The following NCK2 variants were observed in gnomAD, a reference collection of about 807,000 sequenced individuals.
NCK2 encodes the protein cytoplasmic protein NCK2.
NCK2 carries 16 observed loss-of-function variants against 33.9 expected under a neutral mutation model. The observed-to-expected ratio is 0.47, with a 90% confidence interval of 0.32 to 0.72. The LOEUF is 0.72. Among genes scored for constraint, NCK2 ranks in the 30% least tolerant of loss-of-function variants. NCK2 has a pLI of 0.03. For synonymous variants in NCK2, 273 were observed against 239.9 expected, an observed-to-expected ratio of 1.14 and a Z score of -1.27; for missense variants, 418 against 537.3, an observed-to-expected ratio of 0.78 and a Z score of 2.19.
At chr2:105,787,701 G>A (rs917364360) in intron 1 of NCK2, among the ~76,000 whole-genome samples, 4 of 152,156 alleles carry the variant, frequency 2.6e-5, no homozygotes, top group African/African-American at 9.7e-5. Flanking sequence ...AGGGTGCACT[G>A]GTGACCACTG....
At chr2:105,841,662 C>A (rs908286496) in intron 2 of NCK2, among the ~76,000 whole-genome samples, 1 of 152,174 alleles carries the variant, frequency 6.6e-6, no homozygotes, top group Admixed American at 6.5e-5. Flanking sequence ...ACCCTCTAAT[C>A]CTGCCTTGGT....
At position 105,882,015 on chromosome 2, in the gene NCK2, A is replaced by T; in HGVS notation, c.914A>T (p.Glu305Val). The T allele has an allele frequency of 6.6e-7, 1 of 1,505,902 alleles. No homozygotes were observed. Among genetic ancestry groups the T allele is most frequent in the Non-Finnish European group, 8.9e-7 (1 of 1,126,722 alleles). 93.3% of individuals were successfully genotyped at this position (1,505,902 alleles called of 1,614,324 possible). Reference protein sequence around the residue: ...AECALNERGVEGDFLIRDSES... With the variant: ...AECALNERGVVGDFLIRDSES... ...TGCGCCCTCAACGAGCGGGGCGTGG[A>T]GGGCGACTTCCTCATTAGGGACAGC... The change falls in exon 4 of 5, where the codon GAG becomes GTG. Residue 305 changes from glutamate (E) to valine (V), a missense_variant. By Grantham distance (121) the Glu-to-Val change is moderately radical. Coordinates refer to ENST00000233154, the MANE Select transcript of NCK2 (RefSeq NM_003581.5).
chr2:105,747,130 T>C (rs1689313350), intron 1 of NCK2, among the ~76,000 whole-genome samples: 1 of 152,242 alleles, frequency 6.6e-6, no homozygotes, highest in Admixed American at 6.5e-5. Flanking sequence ...TCATGCTTTG[T>C]GTTTTGCTTA....
chr2:105,850,727 C>T (rs1677035286), intron 2 of NCK2, among the ~76,000 whole-genome samples: 1 of 152,308 alleles, frequency 6.6e-6, no homozygotes, highest in East Asian at 1.9e-4. Context: ...AATCAGAATA[C>T]CATCTCTGAC....
chr2:105,887,450 G>C (rs1678764093), intron 4 of NCK2, among the ~76,000 whole-genome samples: 1 of 152,110 alleles, frequency 6.6e-6, no homozygotes, highest in South Asian at 2.1e-4. Context: ...GGAGACTTCA[G>C]CGTGGCTGGA....
chr2:105,772,843 CT>C (rs1165469269), intron 1 of NCK2, among the ~76,000 whole-genome samples: 7 of 151,710 alleles, frequency 4.6e-5, no homozygotes, highest in Non-Finnish European at 8.8e-5. Flanking sequence ...TCTCCTGGTC[CT>C]TCCTTCACAG....
chr2:105,782,890 G>T (rs1311669311), intron 1 of NCK2, among the ~76,000 whole-genome samples: 1 of 152,186 alleles, frequency 6.6e-6, no homozygotes, highest in African/African-American at 2.4e-5. Context: ...AGAGGCGTAG[G>T]GGGCAGTTAC....
chr2:105,855,103 A>G lies in NCK2; in HGVS notation c.40A>G (p.Thr14Ala). 6.2e-7 allele frequency: 1 copy of G among 1,614,224 alleles called. No individual in the cohort carries two copies. The highest frequency in any genetic ancestry group is 1.1e-5 in the South Asian group (1 of 91,086). The change falls in exon 3 of 5, where the codon ACC becomes GCC. Residue 14 changes from threonine (T) to alanine (A), a missense_variant. Coordinates refer to ENST00000233154, the MANE Select transcript of NCK2 (RefSeq NM_003581.5). ...EVIVIAKWDY[T>A]AQQDQELDIK... Reference sequence around the variant, plus strand: ...TATTGTGATAGCCAAGTGGGACTACACCGCCCAGCAGGACCAGGAGCTGGA... The same window carrying G: ...TATTGTGATAGCCAAGTGGGACTACGCCGCCCAGCAGGACCAGGAGCTGGA...
At chr2:105,759,884 G>A (rs1017329936) in intron 1 of NCK2, among the ~76,000 whole-genome samples, 2 of 152,150 alleles carry the variant, frequency 1.3e-5, no homozygotes, top group Non-Finnish European at 2.9e-5. Flanking sequence ...TTAGTGTAGA[G>A]TTACCGGTTT....
intron 1 of NCK2, among the ~76,000 whole-genome samples, chr2:105,760,418 T>C (rs1030465650): frequency 3.9e-5 from 6 of 152,202 alleles, no homozygotes; most frequent in East Asian, 1.9e-4. Flanking sequence ...TTCTGATGCA[T>C]ATTCAAAGTT....
intron 1 of NCK2, among the ~76,000 whole-genome samples, chr2:105,747,461 C>A (rs1689323272): frequency 6.6e-6 from 1 of 152,164 alleles, no homozygotes; most frequent in African/African-American, 2.4e-5. Context: ...CTCTATGGGA[C>A]ACCCATTTTT....
chr2:105,756,739 T>G (rs1240156130), intron 1 of NCK2, among the ~76,000 whole-genome samples: 2 of 152,224 alleles, frequency 1.3e-5, no homozygotes, highest in Admixed American at 1.3e-4. Context: ...CTCAAAACAT[T>G]TGCCTTCACG....
At chr2:105,767,677 G>A (rs748708999) in intron 1 of NCK2, among the ~76,000 whole-genome samples, 5 of 152,180 alleles carry the variant, frequency 3.3e-5, no homozygotes, top group South Asian at 4.1e-4. Flanking sequence ...AAGAAGAACC[G>A]CAGCCCCTAG....
At chr2:105,864,467 G>A (rs1220129580) in intron 3 of NCK2, among the ~76,000 whole-genome samples, 1 of 152,128 alleles carries the variant, frequency 6.6e-6, no homozygotes, top group Non-Finnish European at 1.5e-5. Context: ...GAGAGTGGGG[G>A]AAGTAAGAGG....
At chr2:105,800,897 A>G (rs1674805872) in intron 1 of NCK2, among the ~76,000 whole-genome samples, 1 of 152,208 alleles carries the variant, frequency 6.6e-6, no homozygotes, top group African/African-American at 2.4e-5. Flanking sequence ...ATGGGATTAC[A>G]TGCCTGTCCA....
At chr2:105,757,307 C>G (rs1689627550) in intron 1 of NCK2, among the ~76,000 whole-genome samples, 1 of 152,252 alleles carries the variant, frequency 6.6e-6, no homozygotes, top group African/African-American at 2.4e-5. Context: ...CTTTTATAGC[C>G]CCAACTTTCG....
intron 1 of NCK2, among the ~76,000 whole-genome samples, chr2:105,807,225 G>A (rs1024492927): frequency 3.9e-5 from 6 of 152,212 alleles, no homozygotes; most frequent in Non-Finnish European, 7.3e-5. Flanking sequence ...GTCCTGTGAC[G>A]CACCTGCGTG....
intron 1 of NCK2, among the ~76,000 whole-genome samples, chr2:105,812,423 C>T (rs1051472267): frequency 6.6e-6 from 1 of 152,324 alleles, no homozygotes; most frequent in African/African-American, 2.4e-5. Context: ...GAATAAGGTT[C>T]TCTTCCAAGT....
chr2:105,856,394 G>A (rs1677273470), intron 3 of NCK2, among the ~76,000 whole-genome samples: 1 of 152,058 alleles, frequency 6.6e-6, no homozygotes, highest in South Asian at 2.1e-4. Context: ...ATCACTTAAG[G>A]GTTTGCTAGT....
Sources: allele counts gnomAD v4.1 joint callset (sites outside exome capture counted in the v4.1 genomes callset), GRCh38; gene constraint gnomAD v4.1.1; transcripts MANE v1.5; gene names NCBI Gene and HGNC (gene_info 2026-07-23, HGNC 2026-07-21).